The following CRTC3 variants were observed in gnomAD, a reference collection of about 807,000 sequenced individuals.
The protein encoded by CRTC3 is CREB regulated transcription coactivator 3.
CRTC3 carries 26 observed loss-of-function variants against 74.5 expected under a neutral mutation model. That is an observed-to-expected ratio of 0.35 (90% CI 0.26 to 0.48). CRTC3 has a LOEUF of 0.48. Ranked by LOEUF, CRTC3 falls within the 20% of genes least tolerant of loss-of-function variation. CRTC3 has a pLI of 0.99. For missense variants in CRTC3, 760 were observed against 787.3 expected (o/e 0.97, Z 0.41); for synonymous variants, 377 against 325.8 (o/e 1.16, Z -1.69).
rs1216207255 is a variant in CRTC3, at chr15:90,642,468, T to A, written c.*328T>A. On this transcript the variant is annotated 3_prime_UTR_variant, in exon 15 of 15. Transcript: ENST00000268184. Reference sequence around the variant, plus strand: ...ATGTGTAAGAGTAGGAAATACTGTGTCACTGGAGGCCTCCGTAGCATTGTG... The same window carrying A: ...ATGTGTAAGAGTAGGAAATACTGTGACACTGGAGGCCTCCGTAGCATTGTG... 2.3e-6 allele frequency: 1 copy of A among 440,594 alleles called. No individual in the cohort carries two copies. The highest frequency in any genetic ancestry group is 4.2e-6 in the Non-Finnish European group (1 of 237,116). 27.3% of individuals were successfully genotyped at this position (440,594 alleles called of 1,614,324 possible).
At chr15:90,603,648 C>T (rs895836010) in intron 4 of CRTC3, among the ~76,000 whole-genome samples, 1 of 152,186 alleles carries the variant, frequency 6.6e-6, no homozygotes, top group Admixed American at 6.5e-5. Flanking sequence ...TGCCTAGTAT[C>T]ATTTTCAGAT....
chr15:90,633,706 C>CTTTCT (rs1212760854), intron 11 of CRTC3, among the ~76,000 whole-genome samples: 1 of 151,976 alleles, frequency 6.6e-6, no homozygotes, highest in Non-Finnish European at 1.5e-5. Flanking sequence ...TTTCTCTGTT[C>CTTTCT]TTTCTCTCTG....
chr15:90,630,756 A>ATTTTTTTTTTTT lies in CRTC3; in HGVS notation c.1266+1245_1266+1256dup, dbSNP rs1175467073. On this transcript the variant is annotated intron_variant, in intron 11 of 14. Transcript: ENST00000268184. ...CACATCCTCTGTCTATTACAGCATCATTTTTTTTTTTTTTTTTTTTTTTTT... is the reference window on the plus strand; with the variant it reads ...CACATCCTCTGTCTATTACAGCATCATTTTTTTTTTTTTTTTTTTTTTTTTTTTTTTTTTTTT... Among the ~76,000 whole-genome samples, 4 of 23,654 alleles carry ATTTTTTTTTTTT rather than the reference A, an allele frequency of 1.7e-4. 2 individuals carry two copies. In the East Asian group the frequency reaches 4.6e-3, roughly 27 times the overall value. 15.5% of individuals were successfully genotyped at this position (23,654 alleles called of 152,430 possible). A position where few individuals can be genotyped will look rare whatever the true frequency, so the allele number is the denominator to read the frequency against.
chr15:90,633,418 T>C (rs1969115360), intron 11 of CRTC3, among the ~76,000 whole-genome samples: 1 of 152,228 alleles, frequency 6.6e-6, no homozygotes. Context: ...GAATATAGAA[T>C]TCTAAATTTG....
chr15:90,634,885 AAGG>A (rs1458862325), intron 11 of CRTC3: 6 of 1,567,984 alleles, frequency 3.8e-6, no homozygotes, highest in Non-Finnish European at 4.4e-6. Context: ...TCGGGTTCTA[AAGG>A]TAAGGCTGGA....
chr15:90,641,045 C>T (rs369770335), intron 13 of CRTC3, 52 bp from the exon 14 acceptor site: 19 of 1,202,358 alleles, frequency 1.6e-5, no homozygotes, highest in African/African-American at 1.2e-4. Flanking sequence ...TACTCACTTC[C>T]TCCTTGGAAA....
chr15:90,571,310 G>A (rs925165409), intron 2 of CRTC3, among the ~76,000 whole-genome samples: 2 of 152,150 alleles, frequency 1.3e-5, no homozygotes, highest in Non-Finnish European at 2.9e-5. Flanking sequence ...GTTGGGAGGA[G>A]GTCCCAGGAA....
chr15:90,638,934 T>C (rs1007692289), intron 13 of CRTC3, 119 bp downstream of exon 13: 2 of 863,620 alleles, frequency 2.3e-6, no homozygotes, highest in Non-Finnish European at 3.8e-6. Flanking sequence ...GTTCTGGTTG[T>C]GTTCTGTGGC....
intron 9 of CRTC3, among the ~76,000 whole-genome samples, chr15:90,622,731 A>G (rs1157779712): frequency 7.9e-5 from 12 of 152,122 alleles, no homozygotes; most frequent in Non-Finnish European, 1.8e-4. Flanking sequence ...CATGCCTGTA[A>G]TCCCAGCTAC....
At chr15:90,537,924 G>A (rs1048680377) in intron 1 of CRTC3, among the ~76,000 whole-genome samples, 12 of 152,218 alleles carry the variant, frequency 7.9e-5, no homozygotes. Flanking sequence ...TCGGAAATAG[G>A]TGCTTTGGGA....
intron 2 of CRTC3, among the ~76,000 whole-genome samples, chr15:90,573,106 A>G (rs1030260273): frequency 2.0e-5 from 3 of 152,174 alleles, no homozygotes; most frequent in African/African-American, 4.8e-5. Flanking sequence ...TTCTGTTTCT[A>G]TGAATTTAAC....
chr15:90,634,180 C>T (rs897322549), intron 11 of CRTC3, among the ~76,000 whole-genome samples: 19 of 150,562 alleles, frequency 1.3e-4, no homozygotes, highest in East Asian at 3.9e-4. Context: ...GGTGTGATCT[C>T]GGCTCATTGT....
intron 11 of CRTC3, chr15:90,635,156 C>T (rs1318187127): frequency 3.5e-6 from 2 of 566,272 alleles, no homozygotes; most frequent in East Asian, 6.1e-5. Context: ...TAATGACATC[C>T]AGTGTCTCCA....
intron 2 of CRTC3, among the ~76,000 whole-genome samples, chr15:90,569,067 A>G (rs959721319): frequency 6.7e-6 from 1 of 149,964 alleles, no homozygotes; most frequent in African/African-American, 2.5e-5. Flanking sequence ...ATCATAGCTC[A>G]CTGTAGCCTT....
At chr15:90,611,200 G>C (rs1282616657) in intron 6 of CRTC3, among the ~76,000 whole-genome samples, 1 of 152,134 alleles carries the variant, frequency 6.6e-6, no homozygotes, top group Non-Finnish European at 1.5e-5. Flanking sequence ...GCCTCCTTTA[G>C]GACAATGGTT....
At chr15:90,550,627 A>G (rs760785694) in intron 2 of CRTC3, among the ~76,000 whole-genome samples, 6 of 151,530 alleles carry the variant, frequency 4.0e-5, no homozygotes, top group Non-Finnish European at 5.9e-5. Context: ...TTGAAATCTC[A>G]TTTGTCCTCA....
At chr15:90,531,883 A>T (rs9806295) in intron 1 of CRTC3, among the ~76,000 whole-genome samples, 101,525 of 151,948 alleles carry the variant, frequency 0.67, 34,989 homozygotes, top group Non-Finnish European at 0.76. Context: ...CTGACAGGTG[A>T]GGCCATGAGT....
intron 12 of CRTC3, 41 bp from the exon 13 acceptor site, chr15:90,638,694 C>G (rs78675007): frequency 6.2e-7 from 1 of 1,612,492 alleles, no homozygotes; most frequent in Non-Finnish European, 8.5e-7. Flanking sequence ...TTGTTTTGCT[C>G]TGAGTTCCAA....
At chr15:90,637,437 G>A (rs1001678159) in intron 11 of CRTC3, among the ~76,000 whole-genome samples, 10 of 152,140 alleles carry the variant, frequency 6.6e-5, no homozygotes, top group African/African-American at 2.4e-4. Context: ...ATAGCATTGG[G>A]AGATATACCT....
Sources: gnomAD v4.1 joint callset for allele counts (sites outside exome capture counted in the v4.1 genomes callset) on GRCh38, gnomAD v4.1.1 for gene constraint, MANE v1.5 for transcripts, NCBI Gene and HGNC (gene_info 2026-07-23, HGNC 2026-07-21) for gene names.